The following ADRA1B variants were observed in gnomAD, a reference collection of about 807,000 sequenced individuals.
ADRA1B encodes the protein alpha-1B adrenergic receptor.
In ADRA1B, 17 loss-of-function variants were observed where a neutral mutation model predicts 17.9. That is an observed-to-expected ratio of 0.95 (90% CI 0.65 to 1.42). The LOEUF (loss-of-function observed/expected upper bound fraction) is 1.42, where lower values mean the gene tolerates loss of function less well. Among genes scored for constraint, ADRA1B ranks in the 40% most tolerant of loss-of-function variants. The probability of loss-of-function intolerance (pLI) is 0.00; values close to 1 mark genes in which losing one functional copy is unlikely to be tolerated. For synonymous variants in ADRA1B, 366 were observed against 327.6 expected, an observed-to-expected ratio of 1.12 and a Z score of -1.27; for missense variants, 681 against 722.1, an observed-to-expected ratio of 0.94 and a Z score of 0.65.
intron 1 of ADRA1B, among the ~76,000 whole-genome samples, chr5:159,955,766 T>C (rs910739903): frequency 6.6e-6 from 1 of 152,116 alleles, no homozygotes; most frequent in Non-Finnish European, 1.5e-5. Context: ...GAGGGGGCCC[T>C]GGTAGCTAAT....
At chr5:159,973,504 T>C (rs10214211), downstream of ADRA1B, among the ~76,000 whole-genome samples, 23,489 of 152,114 alleles carry the variant, frequency 0.15, 3,056 homozygotes, top group African/African-American at 0.35. Context: ...ACCTTTGCAT[T>C]CCCAGGCCAG....
rs980931204 is a variant in ADRA1B, at chr5:159,916,586, GCCCC to G, written c.-318_-315del. On this transcript the variant is annotated 5_prime_UTR_variant, in exon 1 of 2. Transcript: ENST00000306675. ...CCGAGCGAGCTGGGCACCGCCGGGCGCCCCCGGCCCTGCCGCCCCCTCCTCCCCG... is the reference window on the plus strand; with the variant it reads ...CCGAGCGAGCTGGGCACCGCCGGGCGCGGCCCTGCCGCCCCCTCCTCCCCG... 5 of 211,758 alleles carry G rather than the reference GCCCC, an allele frequency of 2.4e-5. No homozygotes were observed. Among genetic ancestry groups the G allele is most frequent in the Non-Finnish European group, 3.7e-5 (4 of 107,942 alleles). The allele number at this position is 211,758 out of a possible 1,614,324, so 13.1% of individuals were successfully genotyped here. A position where few individuals can be genotyped will look rare whatever the true frequency, so the allele number is the denominator to read the frequency against.
chr5:159,875,931 G>C (rs761558480), intron 1 of ADRA1B, among the ~76,000 whole-genome samples: 1 of 152,200 alleles, frequency 6.6e-6, no homozygotes, highest in Non-Finnish European at 1.5e-5. Flanking sequence ...GCTCACGCCC[G>C]TAATCCCAAC....
intron 1 of ADRA1B, among the ~76,000 whole-genome samples, chr5:159,927,172 T>C (rs1420303024): frequency 1.3e-5 from 2 of 152,052 alleles, no homozygotes; most frequent in African/African-American, 4.8e-5. Context: ...CTGGGGGAGA[T>C]TGTCCCATTG....
intron 1 of ADRA1B, among the ~76,000 whole-genome samples, chr5:159,918,257 C>T (rs947152525): frequency 2.6e-5 from 4 of 152,160 alleles, no homozygotes; most frequent in East Asian, 1.9e-4. Context: ...TTACTGCAGA[C>T]GCGGCATTTG....
Position 159,972,668 on chromosome 5 carries a change from G to C in ADRA1B, c.*176G>C, listed in dbSNP as rs1367899504. ...TTTCTGGCAGGGGCATGGGTGCCAG[G>C]TACCACGCGGAAAGCCGGGCCGAGC... On this transcript the variant is annotated 3_prime_UTR_variant, in exon 2 of 2. Transcript: ENST00000306675. The C allele has an allele frequency of 1.5e-5, 11 of 756,554 alleles. No homozygotes were observed. The highest frequency in any genetic ancestry group is 3.8e-5 in the Admixed American group (1 of 25,994). The allele number at this position is 756,554 out of a possible 1,614,324, so 46.9% of individuals were successfully genotyped here.
At chr5:159,987,937 C>A in the ADRA1B span, among the ~76,000 whole-genome samples, 1 of 152,088 alleles carries the variant, frequency 6.6e-6, no homozygotes, top group African/African-American at 2.4e-5. Context: ...CCCCCTCGGC[C>A]GGCCGCCCAA....
At chr5:159,973,130 T>A (rs1223247046), downstream of ADRA1B, among the ~76,000 whole-genome samples, 2 of 152,184 alleles carry the variant, frequency 1.3e-5, no homozygotes, top group African/African-American at 4.8e-5. Context: ...TCCCCTGCCC[T>A]CCAGTCTCCA....
intron 1 of ADRA1B, among the ~76,000 whole-genome samples, chr5:159,882,763 C>CT (rs11392915): frequency 0.71 from 107,548 of 151,908 alleles, 39,862 homozygotes; most frequent in African/African-American, 0.88. Context: ...AAACTTGCTC[C>CT]TGGGTGTCTG....
At chr5:159,949,496 ACTT>A (rs1755366081) in intron 1 of ADRA1B, among the ~76,000 whole-genome samples, 1 of 152,244 alleles carries the variant, frequency 6.6e-6, no homozygotes, top group African/African-American at 2.4e-5. Context: ...ACCATTAAGA[ACTT>A]CTGGGCTTGC....
the ADRA1B span, among the ~76,000 whole-genome samples, chr5:159,984,573 C>T: frequency 2.4e-3 from 363 of 152,180 alleles, 1 homozygote; most frequent in African/African-American, 8.1e-3. Context: ...CAATTTGCAG[C>T]TCCTCCCCAG....
rs376920965 is a variant in ADRA1B, at chr5:159,971,968, A to G, written c.1039A>G (p.Ile347Val). 1.0e-5 allele frequency: 15 copies of G among 1,468,496 alleles called. No homozygotes were observed. Among genetic ancestry groups the G allele is most frequent in the Non-Finnish European group, 1.4e-5 (15 of 1,102,958 alleles). 91.0% of individuals were successfully genotyped at this position (1,468,496 alleles called of 1,614,324 possible). A position where few individuals can be genotyped will look rare whatever the true frequency, so the allele number is the denominator to read the frequency against. Residue 347 changes from isoleucine to valine, a missense_variant, in exon 2 of 2, where the codon ATC becomes GTC. By Grantham distance (29) the Ile-to-Val change is conservative (BLOSUM62 3). Around this residue, in one of 3 missense-constraint regions of ADRA1B, gnomAD observed 424 missense variants for 480.2 expected, o/e 0.88. Transcript: ENST00000306675. ...CTTCAACAGCTGCCTCAACCCCATC[A>G]TCTACCCATGCTCCAGCAAGGAGTT... Reference protein sequence around the residue: ...GYFNSCLNPIIYPCSSKEFKR... With the variant: ...GYFNSCLNPIVYPCSSKEFKR...
rs770934468 is a variant in ADRA1B at position 159,917,718 on chromosome 5, G to A, written c.813G>A (p.Lys271=). 2.5e-6 allele frequency: 4 copies of A among 1,613,992 alleles called. No homozygotes were observed. Among genetic ancestry groups the A allele is most frequent in the Admixed American group, 3.3e-5 (2 of 59,990 alleles). Residue 271 remains lysine, a synonymous_variant, in exon 1 of 2, where the codon AAG becomes AAA. Transcript: ENST00000306675. ...HEDTLSSTKA[K]GHNPRSSIAV... ...ACACCCTTAGCAGTACCAAGGCCAA[G>A]GGCCACAACCCCAGGAGTTCCATAG...
chr5:159,927,259 T>C lies in ADRA1B; in HGVS notation c.949+9405T>C, dbSNP rs144681358. Among the ~76,000 whole-genome samples, 194 of 152,134 alleles carry C rather than the reference T, an allele frequency of 1.3e-3. 2 individuals are homozygous for C. The highest frequency in any genetic ancestry group is 4.2e-3 in the South Asian group (20 of 4,818). Reference sequence around the variant, plus strand: ...ACCTCTGAGAGGGATATGGTCAGAGTTGATCCCTGCAGAAGCAGGAAAAGA... The same window carrying C: ...ACCTCTGAGAGGGATATGGTCAGAGCTGATCCCTGCAGAAGCAGGAAAAGA... On this transcript the variant is annotated intron_variant, in intron 1 of 1. Transcript: ENST00000306675.
At chr5:159,877,814 A>G (rs902233221) in intron 1 of ADRA1B, among the ~76,000 whole-genome samples, 2 of 152,244 alleles carry the variant, frequency 1.3e-5, no homozygotes, top group African/African-American at 2.4e-5. Flanking sequence ...GCAGGCTTTA[A>G]GCTCAGATCT....
intron 1 of ADRA1B, among the ~76,000 whole-genome samples, chr5:159,962,127 G>A (rs1282126422): frequency 6.6e-6 from 1 of 152,180 alleles, no homozygotes; most frequent in Non-Finnish European, 1.5e-5. Context: ...GAACCTGGGA[G>A]GTAGAAGTTG....
At chr5:159,947,330 A>G (rs1755301522) in intron 1 of ADRA1B, among the ~76,000 whole-genome samples, 1 of 152,066 alleles carries the variant, frequency 6.6e-6, no homozygotes, top group Admixed American at 6.5e-5. Context: ...CAACAGAGCG[A>G]AACTCCATCT....
chr5:159,985,731 T>G, the ADRA1B span, among the ~76,000 whole-genome samples: 7 of 152,228 alleles, frequency 4.6e-5, no homozygotes, highest in Admixed American at 4.6e-4. Context: ...TGGAAGAAAC[T>G]CTTTCCTCAA....
intron 1 of ADRA1B, among the ~76,000 whole-genome samples, chr5:159,902,392 G>T (rs1043842447): frequency 6.6e-6 from 1 of 152,064 alleles, no homozygotes; most frequent in Non-Finnish European, 1.5e-5. Flanking sequence ...AAGTTCTACA[G>T]ATCTGCTGTA....
Sources: allele counts gnomAD v4.1 joint callset (sites outside exome capture counted in the v4.1 genomes callset), GRCh38; gene constraint gnomAD v4.1.1; regional missense constraint gnomAD v4.1.1; transcripts MANE v1.5; gene names NCBI Gene and HGNC (gene_info 2026-07-23, HGNC 2026-07-21).